The following GALNTL6 variants were observed in gnomAD, a reference collection of about 807,000 sequenced individuals.
GALNTL6 encodes polypeptide N-acetylgalactosaminyltransferase like 6.
A neutral mutation model predicts 73.7 loss-of-function variants in GALNTL6; 46 were observed. That is an observed-to-expected ratio of 0.62 (90% CI 0.49 to 0.80). The LOEUF (loss-of-function observed/expected upper bound fraction) is 0.80. GALNTL6 is among the 30% of genes least tolerant of loss of function. The pLI is 0.00. For missense variants in GALNTL6, 604 were observed against 755.0 expected, an observed-to-expected ratio of 0.80 and a Z score of 2.34; for synonymous variants, 259 against 263.7, an observed-to-expected ratio of 0.98 and a Z score of 0.17.
At chr4:172,395,851 GTA>G (rs1007386799) in intron 5 of GALNTL6, among the ~76,000 whole-genome samples, 1 of 152,128 alleles carries the variant, frequency 6.6e-6, no homozygotes, top group African/African-American at 2.4e-5. Context: ...ATTAATTAAT[GTA>G]TAATTAACAT....
intron 5 of GALNTL6, among the ~76,000 whole-genome samples, chr4:172,704,672 C>A (rs1426179456): frequency 1.3e-5 from 2 of 152,014 alleles, no homozygotes; most frequent in Non-Finnish European, 2.9e-5. Context: ...TCTGCAGCAG[C>A]TGGATGAAAT....
chr4:172,093,563 G>A (rs2110945518), intron 2 of GALNTL6, among the ~76,000 whole-genome samples: 1 of 152,208 alleles, frequency 6.6e-6, no homozygotes, highest in African/African-American at 2.4e-5. Context: ...GGGACGCAGA[G>A]CAGGAGGTGA....
intron 8 of GALNTL6, among the ~76,000 whole-genome samples, chr4:172,927,428 T>C (rs1461600540): frequency 6.6e-6 from 1 of 152,210 alleles, no homozygotes; most frequent in Non-Finnish European, 1.5e-5. Flanking sequence ...ACCTTTATCA[T>C]GGATTTAGAA....
chr4:172,205,286 A>G (rs962769860), intron 2 of GALNTL6, among the ~76,000 whole-genome samples: 1 of 152,228 alleles, frequency 6.6e-6, no homozygotes, highest in Non-Finnish European at 1.5e-5. Context: ...TTTTCAGGAA[A>G]AATTCCATAA....
intron 10 of GALNTL6, among the ~76,000 whole-genome samples, chr4:172,955,913 A>C (rs1161415104): frequency 6.6e-6 from 1 of 152,104 alleles, no homozygotes; most frequent in Non-Finnish European, 1.5e-5. Flanking sequence ...TGAATTTCAC[A>C]AGGTAATGTC....
At chr4:172,631,733 T>C (rs1475044593) in intron 5 of GALNTL6, among the ~76,000 whole-genome samples, 2 of 152,238 alleles carry the variant, frequency 1.3e-5, no homozygotes, top group Non-Finnish European at 2.9e-5. Context: ...CAGCGGGTTC[T>C]GTTTTTGTTG....
chr4:172,379,531 C>A (rs2048188), intron 5 of GALNTL6, among the ~76,000 whole-genome samples: 1 of 61,526 alleles, frequency 1.6e-5, no homozygotes. Context: ...AGCGAGACTC[C>A]GTCTCAAAAA....
At chr4:172,848,575 T>G (rs1353587814) in intron 7 of GALNTL6, among the ~76,000 whole-genome samples, 1 of 152,174 alleles carries the variant, frequency 6.6e-6, no homozygotes, top group African/African-American at 2.4e-5. Flanking sequence ...AGTTGCTGGT[T>G]TCTTTGGCTC....
At chr4:173,035,838 C>A (rs1015849384) in intron 12 of GALNTL6, among the ~76,000 whole-genome samples, 4 of 152,182 alleles carry the variant, frequency 2.6e-5, no homozygotes, top group African/African-American at 9.7e-5. Flanking sequence ...CTTCAGAAAA[C>A]ACAATTTGGT....
intron 2 of GALNTL6, among the ~76,000 whole-genome samples, chr4:171,829,725 T>C (rs971043589): frequency 5.3e-5 from 8 of 152,126 alleles, no homozygotes; most frequent in Admixed American, 2.0e-4. Context: ...AGTCTGAATA[T>C]CAACTACCTG....
At chr4:172,187,223 TA>T (rs979785355) in intron 2 of GALNTL6, among the ~76,000 whole-genome samples, 2 of 152,038 alleles carry the variant, frequency 1.3e-5, no homozygotes, top group African/African-American at 2.4e-5. Context: ...AATGAAATTT[TA>T]AAAAAATCCA....
intron 5 of GALNTL6, among the ~76,000 whole-genome samples, chr4:172,481,739 A>G (rs1202116364): frequency 1.3e-5 from 2 of 152,178 alleles, no homozygotes; most frequent in Non-Finnish European, 2.9e-5. Context: ...CTAGACACAG[A>G]GTGCTGATTG....
At chr4:172,928,472 G>A (rs1452333253) in intron 8 of GALNTL6, among the ~76,000 whole-genome samples, 5 of 152,160 alleles carry the variant, frequency 3.3e-5, no homozygotes, top group Non-Finnish European at 7.3e-5. Flanking sequence ...GCTAACTTGT[G>A]CTGTAGAATT....
intron 5 of GALNTL6, among the ~76,000 whole-genome samples, chr4:172,658,603 T>C (rs2111172618): frequency 6.6e-6 from 1 of 152,270 alleles, no homozygotes; most frequent in South Asian, 2.1e-4. Context: ...ATGAAATGTC[T>C]TCCCAAGAAT....
chr4:172,757,111 T>C (rs1378454116), intron 5 of GALNTL6, among the ~76,000 whole-genome samples: 2 of 152,234 alleles, frequency 1.3e-5, no homozygotes, highest in Non-Finnish European at 1.5e-5. Context: ...AATAAATTGA[T>C]AGTGCTTCCA....
chr4:172,956,530 C>T (rs1749761659), intron 10 of GALNTL6, among the ~76,000 whole-genome samples: 1 of 152,070 alleles, frequency 6.6e-6, no homozygotes, highest in African/African-American at 2.4e-5. Context: ...GCTGTGATGG[C>T]TTGGAGAAGC....
chr4:172,611,516 T>A (rs749742622), intron 5 of GALNTL6, among the ~76,000 whole-genome samples: 5 of 152,096 alleles, frequency 3.3e-5, no homozygotes, highest in Non-Finnish European at 5.9e-5. Flanking sequence ...TCTTCTGGCT[T>A]GTAGGGTTCT....
intron 7 of GALNTL6, among the ~76,000 whole-genome samples, chr4:172,861,418 T>C (rs559879888): frequency 6.6e-6 from 1 of 152,052 alleles, no homozygotes; most frequent in African/African-American, 2.4e-5. Context: ...ACTTCCTTGA[T>C]TAATCCAGGT....
Position 172,503,389 on chromosome 4 carries a change from C to A in GALNTL6, c.553+154700C>A, listed in dbSNP as rs147889353. ...TGAAATTATTTACCTGAATTTGGCT[C>A]ATCCTGACTTTGGTTCCTATGTTAT... is the stretch of plus-strand genomic sequence containing the variant. On this transcript the variant is annotated intron_variant, in intron 5 of 12. Transcript: ENST00000506823. Among the ~76,000 whole-genome samples, 1,397 of 151,952 alleles carry A rather than the reference C, an allele frequency of 9.2e-3. 11 individuals carry two copies. The highest frequency in any genetic ancestry group is 0.011 in the Non-Finnish European group (745 of 67,968).
Sources: allele counts gnomAD v4.1 joint callset (sites outside exome capture counted in the v4.1 genomes callset), GRCh38; gene constraint gnomAD v4.1.1; transcripts MANE v1.5; gene names NCBI Gene and HGNC (gene_info 2026-07-23, HGNC 2026-07-21).